TTC21A: variants seen among roughly 807,000 people sequenced by gnomAD.
TTC21A encodes tetratricopeptide repeat domain 21A, also known as tetratricopeptide repeat protein 21A.
In TTC21A, 128 loss-of-function variants were observed where a neutral mutation model predicts 156.4. The ratio of observed to expected loss-of-function variants is 0.82; its 90% CI spans 0.71 to 0.95. TTC21A has a LOEUF of 0.95. TTC21A is among the 40% of genes least tolerant of loss of function. The pLI, the probability that TTC21A is intolerant of heterozygous loss-of-function variation, is 0.00. For synonymous variants in TTC21A, 587 were observed against 617.1 expected (o/e 0.95, Z 0.72); for missense variants, 1,435 against 1,602.3 (o/e 0.90, Z 1.78).
intron 2 of TTC21A, 72 bp downstream of exon 2, chr3:39,109,286 A>T: frequency 6.5e-7 from 1 of 1,530,220 alleles, no homozygotes; most frequent in Non-Finnish European, 9.0e-7. Context: ...CTCCACCTGG[A>T]TGCCTTCTTG....
rs773662972 is a variant in TTC21A at position 39,125,390 on chromosome 3, C to A, written c.1250C>A (p.Thr417Asn). ...AGGAAGCACAAGGGGGAGGAAGAGA[C>A]CACAGCGCTCCTGAAGGAGGCAGTG... ...MSRKHKGEEE[T>N]TALLKEAVEL... Residue 417 changes from threonine (T) to asparagine (N), a missense_variant, in exon 11 of 29, where the codon ACC becomes AAC. Coordinates refer to ENST00000683103, the MANE Select transcript of TTC21A (RefSeq NM_001366900.1). 25 of 1,614,062 alleles carry A rather than the reference C, an allele frequency of 1.5e-5. No individual in the cohort carries two copies. The highest frequency in any genetic ancestry group is 1.0e-4 in the Admixed American group (6 of 60,004).
At position 39,135,115 on chromosome 3, in the gene TTC21A, G is replaced by A; in HGVS notation, c.2885G>A (p.Arg962Lys). 6.2e-7 allele frequency: 1 copy of A among 1,613,308 alleles called. No homozygotes were observed. ...ASVLMADLMFRKQKHEAAINL... is the reference protein window; with the variant it reads ...ASVLMADLMFKKQKHEAAINL... ...TAGTTGATGGCTGACCTGATGTTTA[G>A]AAAACAGAAACATGAAGCGGCCATC... is the stretch of plus-strand genomic sequence containing the variant. The change falls in exon 22 of 29, where the codon AGA becomes AAA. Residue 962 changes from arginine (R) to lysine (K), a missense_variant. By Grantham distance (26) the Arg-to-Lys change is conservative. Transcript: ENST00000683103.
At chr3:39,129,911 C>T (rs2038593209) in intron 15 of TTC21A, among the ~76,000 whole-genome samples, 168 bp from the exon 16 acceptor site, 1 of 152,204 alleles carries the variant, frequency 6.6e-6, no homozygotes, top group African/African-American at 2.4e-5. Flanking sequence ...GAGAGCCTGA[C>T]TCAGGTAGCT....
chr3:39,112,394 G>A, intron 4 of TTC21A, 64 bp from the exon 5 acceptor site: 1 of 1,576,244 alleles, frequency 6.3e-7, no homozygotes. Flanking sequence ...TGTGGATCAT[G>A]TGCAGGCTGA....
chr3:39,107,738 T>C lies in TTC21A; in HGVS notation c.-100T>C. 1 of 1,565,270 alleles carries C rather than the reference T, an allele frequency of 6.4e-7. No homozygotes were observed. The highest frequency in any genetic ancestry group is 8.7e-7 in the Non-Finnish European group (1 of 1,144,168). On this transcript the variant is annotated 5_prime_UTR_variant, in exon 1 of 29. Coordinates refer to ENST00000683103, the MANE Select transcript of TTC21A (RefSeq NM_001366900.1). ...CTCGGTTTCCAAGGACTGTAACGCC[T>C]TCAACCGCCCGCCGCGATAGAGTGC...
chr3:39,137,218 A>C lies in TTC21A; in HGVS notation c.3281A>C (p.Glu1094Ala). 1 of 1,613,684 alleles carries C rather than the reference A, an allele frequency of 6.2e-7. No homozygotes were observed. Among genetic ancestry groups the C allele is most frequent in the Middle Eastern group, 1.7e-4 (1 of 6,058 alleles). The part of the protein sequence containing the change: ...ESNYMEKKEL[E>A]QQGVSTAEKL... Reference sequence around the variant, plus strand: ...AGCTACATGGAGAAGAAGGAGTTGGAGCAGCAGGGTGTGAGCACCGCCGAG... The same window carrying C: ...AGCTACATGGAGAAGAAGGAGTTGGCGCAGCAGGGTGTGAGCACCGCCGAG... The change falls in exon 25 of 29, where the codon GAG becomes GCG. Residue 1094 changes from glutamate (E) to alanine (A), a missense_variant. Glu to Ala is a moderately radical substitution (Grantham distance 107). Coordinates refer to ENST00000683103, the MANE Select transcript of TTC21A (RefSeq NM_001366900.1).
intron 12 of TTC21A, among the ~76,000 whole-genome samples, chr3:39,127,777 G>C (rs2038390145): frequency 6.6e-6 from 1 of 152,302 alleles, no homozygotes; most frequent in African/African-American, 2.4e-5. Context: ...GAACCCAATA[G>C]GCCTGGACGT....
Position 39,120,987 on chromosome 3 carries a change from T to A in TTC21A, c.901-10T>A. 1 of 1,587,798 alleles carries A rather than the reference T, an allele frequency of 6.3e-7. No individual in the cohort carries two copies. The highest frequency in any genetic ancestry group is 8.6e-7 in the Non-Finnish European group (1 of 1,164,514). ...TGGTTTCCCAATTCCCACCTTCCTG[T>A]TTCTTGCAGTGTGGGAGTCACCAGG... On this transcript the variant is annotated splice_polypyrimidine_tract_variant and intron_variant, in intron 8 of 28. Transcript: ENST00000683103.
rs1422544239 is a variant in TTC21A, at chr3:39,134,344, C to T, written c.2862+16C>T. 1.3e-6 allele frequency: 2 copies of T among 1,544,400 alleles called. No homozygotes were observed. The highest frequency in any genetic ancestry group is 1.8e-6 in the Non-Finnish European group (2 of 1,116,332). On this transcript the variant is annotated intron_variant, in intron 21 of 28. Coordinates refer to ENST00000683103, the MANE Select transcript of TTC21A (RefSeq NM_001366900.1). The surrounding 1 kb of genome is among the most constrained non-coding windows in gnomAD (Gnocchi z 4.6). Reference sequence around the variant, plus strand: ...CGCTTCTGTGGTAGGAAGCCCCCAGCACCCACTCCCTCCCCTCCCTTCCTC... The same window carrying T: ...CGCTTCTGTGGTAGGAAGCCCCCAGTACCCACTCCCTCCCCTCCCTTCCTC...
In TTC21A at chr3:39,125,050, G is replaced by T. The variant is rs1303978900; in HGVS notation, c.1094-13G>T. ...AGTGTTAGCTGCTCATCATTGTTTT[G>T]TCCCATTTACAGGGATCATCTTGTG... On this transcript the variant is annotated splice_polypyrimidine_tract_variant and intron_variant, in intron 9 of 28. Transcript: ENST00000683103. The T allele has an allele frequency of 1.3e-6, 2 of 1,568,126 alleles. No homozygotes were observed. Among genetic ancestry groups the T allele is most frequent in the Admixed American group, 3.3e-5 (2 of 59,958 alleles).
rs2125861687 is a variant in TTC21A, at chr3:39,134,944, A to G, written c.2863-149A>G. On this transcript the variant is annotated intron_variant, in intron 21 of 28. Transcript: ENST00000683103. This position sits in a 1 kb window ranked among gnomAD's most constrained non-coding sequence, Gnocchi z 4.6. Reference sequence around the variant, plus strand: ...GAAACCCTCAGGCTTCTCCTGTGGCAGCTTCTCACAAGGCCTAGGGAGGCT... The same window carrying G: ...GAAACCCTCAGGCTTCTCCTGTGGCGGCTTCTCACAAGGCCTAGGGAGGCT... The G allele has an allele frequency of 3.0e-6, 2 of 673,524 alleles. No individual in the cohort carries two copies. The highest frequency in any genetic ancestry group is 5.3e-6 in the Non-Finnish European group (2 of 377,210). 41.7% of individuals were successfully genotyped at this position (673,524 alleles called of 1,614,324 possible).
intron 7 of TTC21A, 174 bp downstream of exon 7, chr3:39,118,327 T>G: frequency 1.6e-6 from 1 of 640,868 alleles, no homozygotes; most frequent in African/African-American, 1.8e-5. Context: ...TTTGACTCTT[T>G]GAGTTGTGTA....
intron 6 of TTC21A, among the ~76,000 whole-genome samples, chr3:39,115,740 G>A (rs915807352): frequency 2.0e-5 from 3 of 151,892 alleles, no homozygotes; most frequent in African/African-American, 7.3e-5. Flanking sequence ...ATTCTAAAAT[G>A]TGTCATCTTC....
At chr3:39,132,387 A>G (rs547961823) in intron 19 of TTC21A, among the ~76,000 whole-genome samples, 2 of 152,228 alleles carry the variant, frequency 1.3e-5, no homozygotes, top group East Asian at 3.9e-4. Context: ...CATTCCTGTC[A>G]TATCTTCCTC....
In TTC21A at chr3:39,137,230, T is replaced by A. The variant is rs1172987844; in HGVS notation, c.3293T>A (p.Val1098Glu). 1 of 1,614,012 alleles carries A rather than the reference T, an allele frequency of 6.2e-7. No homozygotes were observed. The highest frequency in any genetic ancestry group is 1.7e-4 in the Middle Eastern group (1 of 6,058). Residue 1098 changes from valine to glutamate, a missense_variant, in exon 25 of 29, where the codon GTG becomes GAG. Physicochemically the swap from Val to Glu is moderately radical, Grantham distance 121. Transcript: ENST00000683103. ...MEKKELEQQG[V>E]STAEKLLREF... ...AAGAAGGAGTTGGAGCAGCAGGGTG[T>A]GAGCACCGCCGAGAAACTGCTGCGT...
At chr3:39,128,249 G>A in intron 12 of TTC21A, 82 bp from the exon 13 acceptor site, 3 of 1,476,556 alleles carry the variant, frequency 2.0e-6, no homozygotes, top group Non-Finnish European at 2.8e-6. Context: ...AACAGGACAT[G>A]TAAAATTCAT....
chr3:39,109,474 G>C (rs961431921), intron 2 of TTC21A, among the ~76,000 whole-genome samples: 1 of 152,222 alleles, frequency 6.6e-6, no homozygotes, highest in Non-Finnish European at 1.5e-5. Context: ...AGAGATAGCT[G>C]CATGATTCTT....
chr3:39,136,625 C>T, intron 23 of TTC21A, 118 bp downstream of exon 23: 1 of 1,313,750 alleles, frequency 7.6e-7, no homozygotes, highest in South Asian at 1.4e-5. Context: ...ACACCCGGAC[C>T]CAGCAAGTGA....
At chr3:39,128,295 G>A (rs769865436) in intron 12 of TTC21A, 36 bp from the exon 13 acceptor site, 5 of 1,606,802 alleles carry the variant, frequency 3.1e-6, no homozygotes, top group Non-Finnish European at 4.3e-6. Flanking sequence ...GAGCCCTTGG[G>A]AACCCTGCAT....
Sources: allele counts gnomAD v4.1 joint callset (sites outside exome capture counted in the v4.1 genomes callset), GRCh38; gene constraint gnomAD v4.1.1; non-coding constraint Gnocchi (gnomAD v3.1); transcripts MANE v1.5; gene names NCBI Gene and HGNC (gene_info 2026-07-23, HGNC 2026-07-21).